SPAG16: variants seen among roughly 807,000 people sequenced by gnomAD.
SPAG16 encodes sperm associated antigen 16, also known as sperm-associated antigen 16 protein.
SPAG16 carries 86 observed loss-of-function variants against 80.4 expected under a neutral mutation model. That is an observed-to-expected ratio of 1.07 (90% confidence interval 0.90 to 1.28). SPAG16 has a LOEUF of 1.28. SPAG16 is among the 50% of genes most tolerant of loss of function. SPAG16 has a pLI of 0.00. For missense variants in SPAG16, 870 were observed against 765.3 expected (o/e 1.14, Z -1.61); for synonymous variants, 294 against 265.9 (o/e 1.11, Z -1.03).
chr2:213,684,266 T>A (rs1296859666), intron 10 of SPAG16, among the ~76,000 whole-genome samples: 1 of 152,236 alleles, frequency 6.6e-6, no homozygotes, highest in Admixed American at 6.5e-5. Context: ...GCCTTGTGTA[T>A]GTGCATATTC....
At chr2:214,220,338 C>T (rs1317048139) in intron 15 of SPAG16, among the ~76,000 whole-genome samples, 1 of 152,122 alleles carries the variant, frequency 6.6e-6, no homozygotes, top group Non-Finnish European at 1.5e-5. Flanking sequence ...TTGTTTTGGA[C>T]TTCTGATTCT....
At chr2:213,860,334 C>A (rs570396342) in intron 10 of SPAG16, among the ~76,000 whole-genome samples, 21 of 102,508 alleles carry the variant, frequency 2.0e-4, no homozygotes, top group Admixed American at 4.1e-4. Flanking sequence ...CCACAAAAGT[C>A]ATTTACAGAT....
chr2:214,297,584 T>A (rs1405781913), intron 15 of SPAG16, among the ~76,000 whole-genome samples: 3 of 152,132 alleles, frequency 2.0e-5, no homozygotes, highest in African/African-American at 7.2e-5. Flanking sequence ...TTGTTTATTA[T>A]CATTGTTTCT....
intron 10 of SPAG16, among the ~76,000 whole-genome samples, chr2:213,525,666 T>C (rs2075862899): frequency 6.6e-6 from 1 of 152,170 alleles, no homozygotes; most frequent in Admixed American, 6.5e-5. Context: ...AATACACTAA[T>C]AAATCTGATA....
At chr2:213,627,579 T>C (rs1181944337) in intron 10 of SPAG16, among the ~76,000 whole-genome samples, 1 of 152,222 alleles carries the variant, frequency 6.6e-6, no homozygotes, top group Non-Finnish European at 1.5e-5. Flanking sequence ...ATGTGCATTA[T>C]TTTAGTTGTC....
intron 10 of SPAG16, among the ~76,000 whole-genome samples, chr2:213,819,353 T>C (rs968405729): frequency 6.6e-6 from 1 of 152,242 alleles, no homozygotes; most frequent in South Asian, 2.1e-4. Context: ...AATTCTAAGC[T>C]CAAAAGTGGC....
At chr2:214,138,325 G>T (rs1337235938) in intron 14 of SPAG16, among the ~76,000 whole-genome samples, 1 of 152,080 alleles carries the variant, frequency 6.6e-6, no homozygotes, top group Non-Finnish European at 1.5e-5. Flanking sequence ...ATTTGGGGGA[G>T]ATTATTTATT....
At chr2:213,573,652 A>G (rs1158593602) in intron 10 of SPAG16, among the ~76,000 whole-genome samples, 2 of 152,092 alleles carry the variant, frequency 1.3e-5, no homozygotes, top group Non-Finnish European at 2.9e-5. Flanking sequence ...ATATATTTTT[A>G]TACGTATTTT....
intron 15 of SPAG16, among the ~76,000 whole-genome samples, chr2:214,248,011 G>A (rs1445818548): frequency 1.3e-5 from 2 of 151,922 alleles, no homozygotes; most frequent in Admixed American, 1.3e-4. Flanking sequence ...AGGGACAACA[G>A]CAAGTCCGTG....
At chr2:214,078,511 A>T (rs1263965552) in intron 13 of SPAG16, among the ~76,000 whole-genome samples, 3 of 148,102 alleles carry the variant, frequency 2.0e-5, no homozygotes, top group Non-Finnish European at 4.5e-5. Context: ...AGCCGAGATC[A>T]CACCACTGTA....
intron 3 of SPAG16, among the ~76,000 whole-genome samples, chr2:213,306,198 C>T (rs890856471): frequency 6.6e-6 from 1 of 150,812 alleles, no homozygotes; most frequent in Non-Finnish European, 1.5e-5. Context: ...CCTTTTTCCT[C>T]TTGATTATAT....
chr2:213,434,264 G>A (rs558343784), intron 9 of SPAG16, among the ~76,000 whole-genome samples: 8 of 151,934 alleles, frequency 5.3e-5, no homozygotes, highest in Admixed American at 2.0e-4. Flanking sequence ...TTGGATAGCC[G>A]GATGCAGAAG....
intron 11 of SPAG16, among the ~76,000 whole-genome samples, chr2:213,914,237 TAGA>T (rs2077841401): frequency 6.6e-6 from 1 of 152,144 alleles, no homozygotes; most frequent in African/African-American, 2.4e-5. Flanking sequence ...TAAATAACTA[TAGA>T]AAGTTCATTG....
chr2:213,671,535 C>T (rs946293217), intron 10 of SPAG16, among the ~76,000 whole-genome samples: 2 of 152,168 alleles, frequency 1.3e-5, no homozygotes, highest in African/African-American at 2.4e-5. Flanking sequence ...CTTTTTCTCC[C>T]TCTGGTGCTT....
At chr2:214,094,205 G>T (rs186720535) in intron 13 of SPAG16, among the ~76,000 whole-genome samples, 1 of 152,224 alleles carries the variant, frequency 6.6e-6, no homozygotes, top group Non-Finnish European at 1.5e-5. Context: ...TGCTACAAAT[G>T]AGAGTGTTTT....
intron 15 of SPAG16, among the ~76,000 whole-genome samples, chr2:214,364,581 C>T (rs1369969364): frequency 6.6e-6 from 1 of 152,108 alleles, no homozygotes; most frequent in East Asian, 1.9e-4. Context: ...TGAATCAGCA[C>T]AGGGTTGGAT....
intron 10 of SPAG16, among the ~76,000 whole-genome samples, chr2:213,648,619 C>T (rs973243848): frequency 3.3e-5 from 5 of 149,322 alleles, no homozygotes; most frequent in African/African-American, 9.9e-5. Context: ...CACACACACA[C>T]ATTTACTAAG....
intron 5 of SPAG16, chr2:213,317,682 A>G (rs956353251): frequency 2.0e-6 from 2 of 995,368 alleles, no homozygotes; most frequent in African/African-American, 3.5e-5. Flanking sequence ...AATTTCTGAA[A>G]TAATAATTAA....
At chr2:213,324,882 C>T (rs147877780) in intron 5 of SPAG16, among the ~76,000 whole-genome samples, 24 of 152,198 alleles carry the variant, frequency 1.6e-4, no homozygotes, top group Non-Finnish European at 3.2e-4. Context: ...TCCAGTTGCT[C>T]CAAACAGCTA....
Sources: gnomAD v4.1 joint callset for allele counts (sites outside exome capture counted in the v4.1 genomes callset) on GRCh38, gnomAD v4.1.1 for gene constraint, MANE v1.5 for transcripts, NCBI Gene and HGNC (gene_info 2026-07-23, HGNC 2026-07-21) for gene names.